Variants in PLCG2 observed in about 807,000 individuals in gnomAD.
PLCG2 encodes the protein phospholipase C gamma 2, also known as 1-phosphatidylinositol 4,5-bisphosphate phosphodiesterase gamma-2.
Under a neutral mutation model 175.6 loss-of-function variants are expected in PLCG2, and 69 were observed. That is an observed-to-expected ratio of 0.39 (90% CI 0.32 to 0.48). The LOEUF is 0.48. PLCG2 is among the 20% of genes least tolerant of loss of function. The pLI is 0.91. For synonymous variants in PLCG2, 827 were observed against 624.0 expected (o/e 1.33, Z -4.85); for missense variants, 1,798 against 1,650.9 (o/e 1.09, Z -1.54).
At chr16:81,831,648 C>G (rs1799275720) in intron 2 of PLCG2, among the ~76,000 whole-genome samples, 1 of 152,162 alleles carries the variant, frequency 6.6e-6, no homozygotes, top group Non-Finnish European at 1.5e-5. Flanking sequence ...TGGAGTCCAG[C>G]AGGCATTTGT....
chr16:81,933,659 G>C (rs1388490626), intron 25 of PLCG2, among the ~76,000 whole-genome samples: 1 of 152,066 alleles, frequency 6.6e-6, no homozygotes, highest in African/African-American at 2.4e-5. Flanking sequence ...CTCCCTGTCA[G>C]GGTGTGGATT....
chr16:81,783,731 A>G (rs4471676), intron 1 of PLCG2, among the ~76,000 whole-genome samples: 152,263 of 152,348 alleles, frequency 1, 76,089 homozygotes, highest in Non-Finnish European at 1. Flanking sequence ...GATGAAATGG[A>G]CCATGGGGGC....
Position 81,799,972 on chromosome 16 carries a change from A to G in PLCG2, c.193+13790A>G, listed in dbSNP as rs1483693772. Reference sequence around the variant, plus strand: ...CCACATACTCAAGAGCAAGGGATCCAGGGTCTGACTGCCTGGGTTCAGATC... The same window carrying G: ...CCACATACTCAAGAGCAAGGGATCCGGGGTCTGACTGCCTGGGTTCAGATC... On this transcript the variant is annotated intron_variant, in intron 2 of 32. Transcript: ENST00000564138. 8.5e-5 allele frequency among the ~76,000 whole-genome samples: 13 copies of G among 152,324 alleles called. No individual in the cohort carries two copies. In the East Asian group the frequency reaches 2.5e-3, roughly 29 times the overall value.
intron 1 of PLCG2, chr16:81,783,175 A>G (rs1910817607): frequency 2.1e-6 from 1 of 481,660 alleles, no homozygotes; most frequent in Admixed American, 2.2e-5. Flanking sequence ...CTTATGTTCC[A>G]GTGGACTATG....
intron 2 of PLCG2, among the ~76,000 whole-genome samples, chr16:81,790,681 T>A (rs1292289232): frequency 6.6e-6 from 1 of 152,130 alleles, no homozygotes; most frequent in Non-Finnish European, 1.5e-5. Flanking sequence ...TTTGGACAGG[T>A]GTTACAATCC....
intron 25 of PLCG2, among the ~76,000 whole-genome samples, chr16:81,933,624 A>C (rs754512053): frequency 3.3e-5 from 5 of 151,776 alleles, no homozygotes; most frequent in Non-Finnish European, 1.5e-5. Context: ...AGGCTACTCA[A>C]CTTCTTTGTT....
Position 81,960,069 on chromosome 16 carries a change from T to G in PLCG2, c.*2071T>G, listed in dbSNP as rs1312480244. The G allele has an allele frequency of 4.6e-6, 1 of 218,620 alleles. No homozygotes were observed. Among genetic ancestry groups the G allele is most frequent in the Non-Finnish European group, 9.2e-6 (1 of 108,964 alleles). The allele number at this position is 218,620 out of a possible 1,614,324, so 13.5% of individuals were successfully genotyped here. A position where few individuals can be genotyped will look rare whatever the true frequency, so the allele number is the denominator to read the frequency against. On this transcript the variant is annotated 3_prime_UTR_variant, in exon 33 of 33. Transcript: ENST00000564138. Reference sequence around the variant, plus strand: ...AAAGAGAAGTCAGGGGATTATGACATAAATGGTGCTGGGAAGAACCCTCTG... The same window carrying G: ...AAAGAGAAGTCAGGGGATTATGACAGAAATGGTGCTGGGAAGAACCCTCTG...
chr16:81,893,294 T>C (rs1255378882), intron 11 of PLCG2, among the ~76,000 whole-genome samples: 2 of 152,236 alleles, frequency 1.3e-5, no homozygotes, highest in African/African-American at 4.8e-5. Context: ...TGAATATCTG[T>C]TCTGTGCCTG....
intron 2 of PLCG2, among the ~76,000 whole-genome samples, chr16:81,797,404 G>A (rs1245464294): frequency 6.6e-6 from 1 of 152,232 alleles, no homozygotes; most frequent in Non-Finnish European, 1.5e-5. Flanking sequence ...TTTAGGTGCT[G>A]TGCAGTTTGG....
At chr16:81,764,072 T>A (rs1910094081) in intron 2 of PLCG2, among the ~76,000 whole-genome samples, 1 of 151,262 alleles carries the variant, frequency 6.6e-6, no homozygotes, top group South Asian at 2.1e-4. Context: ...GCAGGAGGAT[T>A]GCTTAAGCCC....
At chr16:81,773,898 C>T (rs1910336208) in intron 2 of PLCG2, among the ~76,000 whole-genome samples, 1 of 152,238 alleles carries the variant, frequency 6.6e-6, no homozygotes, top group Non-Finnish European at 1.5e-5. Flanking sequence ...CAACTACACT[C>T]TGTGCCCATC....
chr16:81,791,017 G>A (rs894225046), intron 2 of PLCG2, among the ~76,000 whole-genome samples: 1 of 152,176 alleles, frequency 6.6e-6, no homozygotes, highest in African/African-American at 2.4e-5. Context: ...ATGTCACTGG[G>A]TAAAATAGGG....
chr16:81,756,572 C>G (rs748648597), intron 2 of PLCG2, among the ~76,000 whole-genome samples: 1 of 152,134 alleles, frequency 6.6e-6, no homozygotes, highest in Non-Finnish European at 1.5e-5. Context: ...TACAGTGTCT[C>G]AGGACAGGGG....
chr16:81,757,885 C>T (rs1470253639), intron 2 of PLCG2, among the ~76,000 whole-genome samples: 1 of 152,150 alleles, frequency 6.6e-6, no homozygotes, highest in Non-Finnish European at 1.5e-5. Flanking sequence ...CTATTCCGGA[C>T]ATTTCATGTA....
At chr16:81,922,505 T>A (rs1014883141) in intron 21 of PLCG2, among the ~76,000 whole-genome samples, 2 of 152,244 alleles carry the variant, frequency 1.3e-5, no homozygotes, top group Non-Finnish European at 2.9e-5. Flanking sequence ...ATACACATGA[T>A]CTCATTTAGT....
chr16:81,743,085 T>C (rs1426687968), intron 1 of PLCG2, among the ~76,000 whole-genome samples: 1 of 152,150 alleles, frequency 6.6e-6, no homozygotes, highest in Non-Finnish European at 1.5e-5. Context: ...GGGATCACTT[T>C]AGCCCAGGAG....
intron 31 of PLCG2, among the ~76,000 whole-genome samples, chr16:81,954,635 C>G (rs1025894602): frequency 2.6e-5 from 4 of 152,188 alleles, no homozygotes; most frequent in African/African-American, 9.7e-5. Flanking sequence ...TGATGGCTTC[C>G]AGCTTCATCC....
At chr16:81,914,039 T>C (rs1406825332) in intron 19 of PLCG2, among the ~76,000 whole-genome samples, 2 of 152,236 alleles carry the variant, frequency 1.3e-5, no homozygotes, top group Admixed American at 1.3e-4. Context: ...TGCCCTTTGC[T>C]CTTTCCCCTA....
intron 31 of PLCG2, among the ~76,000 whole-genome samples, chr16:81,950,199 T>C (rs942850365): frequency 1.3e-5 from 2 of 152,158 alleles, no homozygotes; most frequent in Admixed American, 1.3e-4. Context: ...CTACCTGCAG[T>C]GTTTACAACA....
Sources: gnomAD v4.1 joint callset for allele counts (sites outside exome capture counted in the v4.1 genomes callset) on GRCh38, gnomAD v4.1.1 for gene constraint, MANE v1.5 for transcripts, NCBI Gene and HGNC (gene_info 2026-07-23, HGNC 2026-07-21) for gene names.